The following NCOA2 variants were observed in gnomAD, a reference collection of about 807,000 sequenced individuals.
The protein encoded by NCOA2 is nuclear receptor coactivator 2.
In NCOA2, 21 loss-of-function variants were observed where a neutral mutation model predicts 145.1. The ratio of observed to expected loss-of-function variants is 0.14; its 90% CI spans 0.10 to 0.21. The LOEUF (loss-of-function observed/expected upper bound fraction) is 0.21. NCOA2 is among the 10% of genes least tolerant of loss of function. NCOA2 has a pLI of 1.00. For missense variants in NCOA2, 1,472 were observed against 1,837.6 expected (o/e 0.80, Z 3.64); for synonymous variants, 619 against 637.5 (o/e 0.97, Z 0.44).
chr8:70,195,429 G>C (rs1222366588), intron 4 of NCOA2, among the ~76,000 whole-genome samples: 1 of 152,168 alleles, frequency 6.6e-6, no homozygotes, highest in African/African-American at 2.4e-5. Context: ...AGTGCTTCCT[G>C]ATTGAAACGT....
chr8:70,280,398 G>C (rs914596007), intron 2 of NCOA2, among the ~76,000 whole-genome samples: 1 of 152,138 alleles, frequency 6.6e-6, no homozygotes, highest in Non-Finnish European at 1.5e-5. Context: ...CATCCTTAGA[G>C]ACGTAAGATA....
At chr8:70,380,607 G>A (rs1308433163) in intron 1 of NCOA2, among the ~76,000 whole-genome samples, 1 of 152,026 alleles carries the variant, frequency 6.6e-6, no homozygotes, top group South Asian at 2.1e-4. Flanking sequence ...CTCTCCCCTA[G>A]ACTATATGCC....
chr8:70,297,147 C>T (rs2135757060), intron 1 of NCOA2, among the ~76,000 whole-genome samples: 1 of 152,238 alleles, frequency 6.6e-6, no homozygotes, highest in East Asian at 1.9e-4. Flanking sequence ...AAGCAGGAGG[C>T]CCTAGTGACC....
chr8:70,195,104 G>A (rs938612371), intron 4 of NCOA2, among the ~76,000 whole-genome samples: 22 of 152,066 alleles, frequency 1.4e-4, no homozygotes, highest in Non-Finnish European at 2.8e-4. Flanking sequence ...ATGAGATGAC[G>A]TATGAAAGAG....
At chr8:70,441,261 A>T in the NCOA2 span, among the ~76,000 whole-genome samples, 53 of 150,352 alleles carry the variant, frequency 3.5e-4, 4 homozygotes, top group Non-Finnish European at 7.4e-5. Context: ...AGAAAGGGGA[A>T]AGAGAAAAAA....
intron 4 of NCOA2, among the ~76,000 whole-genome samples, chr8:70,176,863 G>GCTTCT (rs1814912126): frequency 6.6e-6 from 1 of 152,158 alleles, no homozygotes; most frequent in East Asian, 1.9e-4. Flanking sequence ...TGTGGACAGG[G>GCTTCT]TGTGTACCTC....
At chr8:70,359,203 A>C (rs1475638622) in intron 1 of NCOA2, among the ~76,000 whole-genome samples, 1 of 152,222 alleles carries the variant, frequency 6.6e-6, no homozygotes, top group Non-Finnish European at 1.5e-5. Context: ...CAGAATTACC[A>C]TATAACCCAG....
intron 1 of NCOA2, among the ~76,000 whole-genome samples, chr8:70,383,517 T>C (rs1453139450): frequency 6.6e-6 from 1 of 152,198 alleles, no homozygotes; most frequent in East Asian, 1.9e-4. Context: ...TTGTTTTTGT[T>C]TTTCTGAGAC....
chr8:70,181,885 A>C (rs1026821200), intron 4 of NCOA2, among the ~76,000 whole-genome samples: 2 of 152,238 alleles, frequency 1.3e-5, no homozygotes, highest in African/African-American at 4.8e-5. Flanking sequence ...AGAGCAAAGA[A>C]GTCACTGAAA....
Position 70,156,062 on chromosome 8 carries a change from C to T in NCOA2, c.2303G>A (p.Arg768Lys), listed in dbSNP as rs1350383122. Residue 768 changes from arginine to lysine, a missense_variant, in exon 11 of 23, where the codon AGA becomes AAA. This residue lies in a region of NCOA2 where 953 missense variants were observed against 1,062.1 expected (regional missense o/e 0.90). Transcript: ENST00000452400. ...GLPEITPKLE[R>K]LDSKTDPASN... is the part of the protein sequence containing the mutation. Reference sequence around the variant, plus strand: ...GGCAGGATCTGTCTTACTGTCCAGTCTCTCAAGTTTGGGGGTTATTTCTGG... The same window carrying T: ...GGCAGGATCTGTCTTACTGTCCAGTTTCTCAAGTTTGGGGGTTATTTCTGG... The T allele has an allele frequency of 2.5e-6, 4 of 1,613,878 alleles. No homozygotes were observed. The Admixed American group carries it at 6.7e-5, about 27-fold the overall frequency.
the NCOA2 span, among the ~76,000 whole-genome samples, chr8:70,434,407 A>G: frequency 6.6e-6 from 1 of 152,238 alleles, no homozygotes; most frequent in Non-Finnish European, 1.5e-5. Context: ...TTATGGAGCT[A>G]GCTCATGAAT....
At chr8:70,374,548 A>T (rs1231012848) in intron 1 of NCOA2, among the ~76,000 whole-genome samples, 1 of 152,056 alleles carries the variant, frequency 6.6e-6, no homozygotes, top group Non-Finnish European at 1.5e-5. Context: ...CACACCTGTT[A>T]TCCCAACAAC....
rs908487797 is a variant in NCOA2, at chr8:70,115,923, A to C, written c.4384-2280T>G. On this transcript the variant is annotated intron_variant, in intron 22 of 22. Transcript: ENST00000452400. ...ATGACAGGGCCAGGCGCAGTGGCTC[A>C]CACCTGTAATCCCAGCACTTTGGGA... Among the ~76,000 whole-genome samples, 3 of 152,182 alleles carry C rather than the reference A, an allele frequency of 2.0e-5. No homozygotes were observed. The South Asian group carries it at 6.2e-4, about 31-fold the overall frequency.
intron 9 of NCOA2, among the ~76,000 whole-genome samples, chr8:70,161,769 A>G (rs995993352): frequency 1.3e-5 from 2 of 152,226 alleles, no homozygotes; most frequent in African/African-American, 4.8e-5. Context: ...TGAGTCCCTC[A>G]CGTGCAGCAT....
Position 70,234,893 on chromosome 8 carries a change from G to C in NCOA2, c.-19-18129C>G, listed in dbSNP as rs61055658. ...TTAAGAACCCCTGTTCTATACCATAGGTTCCCAACCATGGCTGCATAGATA... is the reference window on the plus strand; with the variant it reads ...TTAAGAACCCCTGTTCTATACCATACGTTCCCAACCATGGCTGCATAGATA... On this transcript the variant is annotated intron_variant, in intron 2 of 22. Transcript: ENST00000452400. Among the ~76,000 whole-genome samples the C allele has an allele frequency of 3.2e-3, 486 of 152,232 alleles. 1 individual carries two copies. The highest frequency in any genetic ancestry group is 0.027 in the Middle Eastern group (8 of 294).
At chr8:70,349,698 A>G (rs550370739) in intron 1 of NCOA2, among the ~76,000 whole-genome samples, 32 of 152,126 alleles carry the variant, frequency 2.1e-4, no homozygotes, top group African/African-American at 7.2e-4. Context: ...TCTTCATGTC[A>G]TTTTTTCAAA....
At chr8:70,273,327 A>G (rs1825206100) in intron 2 of NCOA2, 1 of 317,232 alleles carries the variant, frequency 3.2e-6, no homozygotes, top group Non-Finnish European at 5.9e-6. Context: ...AGACCCCCTG[A>G]GCACCAACCC....
At chr8:70,148,049 C>CT (rs1811305019) in intron 12 of NCOA2, among the ~76,000 whole-genome samples, 1 of 152,158 alleles carries the variant, frequency 6.6e-6, no homozygotes, top group Non-Finnish European at 1.5e-5. Flanking sequence ...GTCAGTCTCC[C>CT]TGTCCAGTGC....
chr8:70,251,746 G>A (rs1823198191), intron 2 of NCOA2, among the ~76,000 whole-genome samples: 1 of 152,194 alleles, frequency 6.6e-6, no homozygotes, highest in African/African-American at 2.4e-5. Flanking sequence ...TCCCAAATAA[G>A]TCTCTGACAG....
Sources: gnomAD v4.1 joint callset for allele counts (sites outside exome capture counted in the v4.1 genomes callset) on GRCh38, gnomAD v4.1.1 for gene constraint, gnomAD v4.1.1 regional missense constraint, MANE v1.5 for transcripts, NCBI Gene and HGNC (gene_info 2026-07-23, HGNC 2026-07-21) for gene names.